Variants in PTPRD observed in about 807,000 individuals in gnomAD.
The protein encoded by PTPRD is receptor-type tyrosine-protein phosphatase delta.
In PTPRD, 34 loss-of-function variants were observed where a neutral mutation model predicts 214.5. The ratio of observed to expected loss-of-function variants is 0.16; its 90% CI spans 0.12 to 0.21. The LOEUF is 0.21. PTPRD is among the 10% of genes least tolerant of loss of function. The probability of loss-of-function intolerance (pLI) is 1.00; values close to 1 mark genes in which losing one functional copy is unlikely to be tolerated. For missense variants in PTPRD, 2,545 were observed against 2,398.7 expected (o/e 1.06, Z -1.27); for synonymous variants, 1,128 against 845.7 (o/e 1.33, Z -5.79).
At chr9:8,402,047 G>A (rs906163537) in intron 36 of PTPRD, among the ~76,000 whole-genome samples, 5 of 152,192 alleles carry the variant, frequency 3.3e-5, no homozygotes, top group African/African-American at 9.6e-5. Flanking sequence ...TTTCTCTTCT[G>A]TGTTTAAGAT....
At chr9:8,887,820 A>G (rs181441060) in intron 11 of PTPRD, among the ~76,000 whole-genome samples, 10 of 152,202 alleles carry the variant, frequency 6.6e-5, no homozygotes, top group Admixed American at 5.2e-4. Context: ...AGAAGTGTCC[A>G]CCTTCTATGA....
chr9:10,068,452 G>C (rs191986343), intron 3 of PTPRD, among the ~76,000 whole-genome samples: 2 of 151,960 alleles, frequency 1.3e-5, no homozygotes, highest in African/African-American at 4.8e-5. Context: ...CTGGTCCTTT[G>C]GATTGGTCTG....
chr9:10,582,839 C>G (rs2072441898), intron 2 of PTPRD, among the ~76,000 whole-genome samples: 1 of 152,094 alleles, frequency 6.6e-6, no homozygotes, highest in African/African-American at 2.4e-5. Context: ...ATGGTGTAAA[C>G]TAACCTAGAA....
intron 7 of PTPRD, among the ~76,000 whole-genome samples, chr9:9,634,320 T>C (rs1026340171): frequency 6.6e-6 from 1 of 152,216 alleles, no homozygotes; most frequent in Non-Finnish European, 1.5e-5. Flanking sequence ...TAATTTTATT[T>C]GTTTTCCTGA....
chr9:8,976,135 T>G (rs771248678), intron 11 of PTPRD, among the ~76,000 whole-genome samples: 1 of 152,050 alleles, frequency 6.6e-6, no homozygotes. Context: ...ATATCTCACT[T>G]CACTTCCCTT....
intron 8 of PTPRD, among the ~76,000 whole-genome samples, chr9:9,414,121 A>G (rs2076313751): frequency 1.3e-5 from 2 of 152,242 alleles, no homozygotes; most frequent in African/African-American, 4.8e-5. Flanking sequence ...TCAAAGGACA[A>G]TCCAAACTCT....
chr9:9,108,219 C>G (rs1391719077), intron 10 of PTPRD, among the ~76,000 whole-genome samples: 1 of 152,010 alleles, frequency 6.6e-6, no homozygotes, highest in Non-Finnish European at 1.5e-5. Flanking sequence ...TATTCTCTCC[C>G]CAGAATGGCA....
intron 2 of PTPRD, among the ~76,000 whole-genome samples, chr9:10,464,432 C>G (rs555014876): frequency 9.9e-5 from 13 of 130,792 alleles, no homozygotes; most frequent in Admixed American, 1.6e-4. Context: ...GAGAGAGAGA[C>G]AGAGAGGAAA....
At chr9:9,527,156 T>C (rs888481691) in intron 8 of PTPRD, among the ~76,000 whole-genome samples, 3 of 152,216 alleles carry the variant, frequency 2.0e-5, no homozygotes, top group African/African-American at 7.2e-5. Context: ...ATTCAAAGTT[T>C]TGAGTTTACT....
At chr9:8,460,608 A>C in intron 32 of PTPRD, 37 bp from the exon 33 acceptor site, 1 of 1,588,956 alleles carries the variant, frequency 6.3e-7, no homozygotes. Context: ...TTATAAAATA[A>C]TGACTTTCTA....
intron 11 of PTPRD, among the ~76,000 whole-genome samples, chr9:8,922,450 G>A (rs1243275395): frequency 6.6e-6 from 1 of 152,158 alleles, no homozygotes; most frequent in African/African-American, 2.4e-5. Context: ...ACGAATATGA[G>A]AATACAAAGG....
intron 7 of PTPRD, among the ~76,000 whole-genome samples, chr9:9,612,412 G>A (rs1378745856): frequency 2.0e-5 from 3 of 152,176 alleles, no homozygotes; most frequent in African/African-American, 7.2e-5. Context: ...CAGCAGATGT[G>A]TCTGTCTGCA....
At chr9:10,068,093 G>A (rs184303614) in intron 3 of PTPRD, among the ~76,000 whole-genome samples, 2 of 151,960 alleles carry the variant, frequency 1.3e-5, no homozygotes, top group Admixed American at 6.6e-5. Context: ...GGATTCAACA[G>A]GTCTATTGAA....
At chr9:9,449,863 T>C (rs570131244) in intron 8 of PTPRD, among the ~76,000 whole-genome samples, 2 of 152,052 alleles carry the variant, frequency 1.3e-5, no homozygotes, top group Admixed American at 6.6e-5. Flanking sequence ...ATACAATGTG[T>C]GGTCTTTTAT....
chr9:8,872,396 C>G (rs755548133), intron 11 of PTPRD, among the ~76,000 whole-genome samples: 1 of 152,194 alleles, frequency 6.6e-6, no homozygotes, highest in East Asian at 1.9e-4. Flanking sequence ...CAATGTTGTT[C>G]TCTCACATGA....
At chr9:9,555,345 C>T (rs567294709) in intron 8 of PTPRD, among the ~76,000 whole-genome samples, 1 of 152,108 alleles carries the variant, frequency 6.6e-6, no homozygotes, top group East Asian at 1.9e-4. Flanking sequence ...ACCTGTTGAG[C>T]AACATCACAC....
At chr9:9,727,316 T>C (rs1378651955) in intron 7 of PTPRD, among the ~76,000 whole-genome samples, 3 of 152,054 alleles carry the variant, frequency 2.0e-5, no homozygotes, top group Non-Finnish European at 4.4e-5. Flanking sequence ...CCAGGCGTGA[T>C]GGCACAAGCC....
chr9:10,467,784 G>C (rs2099004551), intron 2 of PTPRD, among the ~76,000 whole-genome samples: 1 of 151,986 alleles, frequency 6.6e-6, no homozygotes. Context: ...TTTATCTAAA[G>C]CAAAGAAATA....
intron 5 of PTPRD, among the ~76,000 whole-genome samples, chr9:9,936,389 A>G (rs1018742339): frequency 2.6e-5 from 4 of 152,034 alleles, no homozygotes; most frequent in South Asian, 2.1e-4. Context: ...CAAGAAAAAA[A>G]CAACCCAATT....
Sources: gnomAD v4.1 joint callset for allele counts (sites outside exome capture counted in the v4.1 genomes callset) on GRCh38, gnomAD v4.1.1 for gene constraint, MANE v1.5 for transcripts, NCBI Gene and HGNC (gene_info 2026-07-23, HGNC 2026-07-21) for gene names.